The following C10orf90 variants were observed in gnomAD, a reference collection of about 807,000 sequenced individuals.
The protein encoded by C10orf90 is chromosome 10 open reading frame 90, also known as (E2-independent) E3 ubiquitin-conjugating enzyme FATS.
A neutral mutation model predicts 62.5 loss-of-function variants in C10orf90; 56 were observed. The observed-to-expected ratio is 0.90, with a 90% CI of 0.72 to 1.12. C10orf90 has a LOEUF of 1.12. Among genes scored for constraint, C10orf90 ranks in the 50% most tolerant of loss-of-function variants. The pLI, the probability that C10orf90 is intolerant of heterozygous loss-of-function variation, is 0.00. For missense variants in C10orf90, 970 were observed against 880.4 expected (o/e 1.10, Z -1.29); for synonymous variants, 386 against 340.4 (o/e 1.13, Z -1.47).
chr10:126,435,725 G>A (rs549016450), intron 7 of C10orf90, among the ~76,000 whole-genome samples: 21 of 152,248 alleles, frequency 1.4e-4, no homozygotes, highest in African/African-American at 5.1e-4. Context: ...AGCCCATGCT[G>A]CTCTATCTCT....
intron 7 of C10orf90, among the ~76,000 whole-genome samples, chr10:126,438,460 G>A (rs773054169): frequency 7.2e-5 from 11 of 152,114 alleles, no homozygotes; most frequent in Admixed American, 3.9e-4. Context: ...CAAATTTAAG[G>A]TGGCTTTTTT....
intron 5 of C10orf90, among the ~76,000 whole-genome samples, chr10:126,462,148 T>C (rs149867310): frequency 6.6e-6 from 1 of 152,222 alleles, no homozygotes; most frequent in Non-Finnish European, 1.5e-5. Context: ...AATGAATGGA[T>C]CCAACAGCAT....
At chr10:126,517,890 C>T (rs1353815453) in intron 2 of C10orf90, among the ~76,000 whole-genome samples, 1 of 118,050 alleles carries the variant, frequency 8.5e-6, no homozygotes, top group East Asian at 2.6e-4. Flanking sequence ...AGCCTGGCAA[C>T]ACAGTGAGAC....
chr10:126,579,803 G>C (rs1844708799), intron 2 of C10orf90, among the ~76,000 whole-genome samples: 3 of 152,002 alleles, frequency 2.0e-5, no homozygotes, highest in Admixed American at 2.0e-4. Flanking sequence ...TAAATGCCAG[G>C]CTTTGATGCA....
intron 4 of C10orf90, among the ~76,000 whole-genome samples, chr10:126,493,969 C>T (rs1861900409): frequency 6.6e-6 from 1 of 152,206 alleles, no homozygotes; most frequent in Non-Finnish European, 1.5e-5. Flanking sequence ...GTCTGATGCT[C>T]CACTGTTCAC....
At chr10:126,455,109 C>G (rs894039009) in intron 7 of C10orf90, among the ~76,000 whole-genome samples, 5 of 152,132 alleles carry the variant, frequency 3.3e-5, no homozygotes, top group Admixed American at 1.3e-4. Flanking sequence ...CAGGCCCCAC[C>G]CTCATCATGT....
chr10:126,631,446 A>G (rs552024911), intron 2 of C10orf90, among the ~76,000 whole-genome samples: 1 of 151,990 alleles, frequency 6.6e-6, no homozygotes, highest in African/African-American at 2.4e-5. Context: ...TCAACCCTCT[A>G]CACCTGAAGC....
intron 2 of C10orf90, among the ~76,000 whole-genome samples, chr10:126,582,846 T>C (rs1844781829): frequency 6.6e-6 from 1 of 152,200 alleles, no homozygotes; most frequent in South Asian, 2.1e-4. Context: ...ACTTACAACT[T>C]GAAAATATAT....
At chr10:126,505,430 C>T (rs1273505277) in intron 3 of C10orf90, among the ~76,000 whole-genome samples, 1 of 152,160 alleles carries the variant, frequency 6.6e-6, no homozygotes, top group East Asian at 1.9e-4. Flanking sequence ...GGCTCATATC[C>T]TCAATGGAGA....
At chr10:126,555,717 T>TAAATAAAA (rs1265155678) in intron 2 of C10orf90, among the ~76,000 whole-genome samples, 44 of 148,630 alleles carry the variant, frequency 3.0e-4, no homozygotes, top group East Asian at 3.9e-4. Context: ...AATAAATAAA[T>TAAATAAAA]AAAAATTAAA....
chr10:126,662,107 G>T, intron 1 of C10orf90, among the ~76,000 whole-genome samples: 1 of 128,908 alleles, frequency 7.8e-6, no homozygotes. Context: ...AAAAAAAAAA[G>T]TTGAACTTTG....
chr10:126,532,958 AG>A (rs1397937835), intron 2 of C10orf90, among the ~76,000 whole-genome samples: 2 of 149,866 alleles, frequency 1.3e-5, no homozygotes, highest in Non-Finnish European at 3.0e-5. Flanking sequence ...TTTGAGACGG[AG>A]TCTCGCTCTG....
At chr10:126,569,263 T>G (rs1235987705) in intron 2 of C10orf90, among the ~76,000 whole-genome samples, 1 of 152,148 alleles carries the variant, frequency 6.6e-6, no homozygotes, top group Non-Finnish European at 1.5e-5. Context: ...GAGAACCTCT[T>G]GTTAGTGCCA....
intron 7 of C10orf90, among the ~76,000 whole-genome samples, chr10:126,442,166 T>G (rs1858373679): frequency 6.6e-6 from 1 of 151,838 alleles, no homozygotes; most frequent in Non-Finnish European, 1.5e-5. Context: ...GAAACTCACC[T>G]AAGACATAAG....
chr10:126,429,133 G>A (rs2133979706), intron 8 of C10orf90, among the ~76,000 whole-genome samples: 1 of 152,256 alleles, frequency 6.6e-6, no homozygotes, highest in South Asian at 2.1e-4. Flanking sequence ...CTTGGCCAAT[G>A]CTGCTGAGCT....
chr10:126,626,716 C>G (rs1456275981), intron 2 of C10orf90, among the ~76,000 whole-genome samples: 3 of 152,186 alleles, frequency 2.0e-5, no homozygotes, highest in African/African-American at 7.2e-5. Flanking sequence ...GGGATCGATA[C>G]AGTGAGCTAT....
chr10:126,529,385 G>C (rs946125910), intron 2 of C10orf90, among the ~76,000 whole-genome samples: 4 of 152,260 alleles, frequency 2.6e-5, no homozygotes, highest in African/African-American at 7.2e-5. Context: ...CATTTTTACT[G>C]TAATAATTTC....
At chr10:126,551,672 G>A (rs993419437) in intron 2 of C10orf90, among the ~76,000 whole-genome samples, 3 of 152,202 alleles carry the variant, frequency 2.0e-5, no homozygotes, top group Non-Finnish European at 4.4e-5. Context: ...TTATGTTTCA[G>A]ACCACAGGCT....
At position 126,612,639 on chromosome 10, in the gene C10orf90, GCT is replaced by G. The variant is rs748826378; in HGVS notation, c.313+33924_313+33925del. Among the ~76,000 whole-genome samples the G allele has an allele frequency of 2.0e-4, 31 of 152,302 alleles. No individual in the cohort carries two copies. The East Asian group carries it at 2.1e-3, about 10-fold the overall frequency. ...AGAAAAGCACAAAGTTAGGCCTCAA[GCT>G]CTCTCAGGTGGACTATCGTGTTTTC... On this transcript the variant is annotated intron_variant, in intron 2 of 9. Transcript: ENST00000488181.
Sources: allele counts gnomAD v4.1 joint callset (sites outside exome capture counted in the v4.1 genomes callset), GRCh38; gene constraint gnomAD v4.1.1; transcripts MANE v1.5; gene names NCBI Gene and HGNC (gene_info 2026-07-23, HGNC 2026-07-21).